The following ARB2A variants were observed in gnomAD, a reference collection of about 807,000 sequenced individuals.
The protein encoded by ARB2A is cotranscriptional regulator ARB2A.
chr5:93,904,372 T>C, the ARB2A span, among the ~76,000 whole-genome samples: 1 of 151,850 alleles, frequency 6.6e-6, no homozygotes, highest in African/African-American at 2.4e-5. Context: ...AAGTTATATC[T>C]TTCTCATGTG....
chr5:93,692,491 G>C, the ARB2A span, among the ~76,000 whole-genome samples: 1 of 152,134 alleles, frequency 6.6e-6, no homozygotes, highest in East Asian at 1.9e-4. Context: ...GCAAAAAGAA[G>C]AGCTAACTAT....
At chr5:93,866,966 T>C in the ARB2A span, among the ~76,000 whole-genome samples, 1 of 152,056 alleles carries the variant, frequency 6.6e-6, no homozygotes, top group Non-Finnish European at 1.5e-5. Context: ...CCTGAATGAA[T>C]TGTACATACC....
the ARB2A span, among the ~76,000 whole-genome samples, chr5:93,962,485 G>A: frequency 2.8e-4 from 43 of 152,068 alleles, no homozygotes; most frequent in African/African-American, 1.0e-3. Flanking sequence ...TTAAAAAATG[G>A]TTCTTTTTCC....
the ARB2A span, among the ~76,000 whole-genome samples, chr5:93,721,438 G>T: frequency 6.6e-6 from 1 of 152,176 alleles, no homozygotes; most frequent in Non-Finnish European, 1.5e-5. Context: ...TGTAGCATTA[G>T]TCTGCTCTTT....
At chr5:93,914,745 T>G in the ARB2A span, among the ~76,000 whole-genome samples, 1 of 151,890 alleles carries the variant, frequency 6.6e-6, no homozygotes, top group East Asian at 1.9e-4. Context: ...AAAAACTCAT[T>G]GATACAGCAG....
the ARB2A span, among the ~76,000 whole-genome samples, chr5:93,840,230 C>A: frequency 2.0e-4 from 31 of 152,252 alleles, no homozygotes; most frequent in Non-Finnish European, 2.8e-4. Context: ...CAAAGAATTT[C>A]TTTATTTCTG....
the ARB2A span, among the ~76,000 whole-genome samples, chr5:93,848,471 C>T: frequency 2.0e-5 from 3 of 151,650 alleles, no homozygotes; most frequent in African/African-American, 4.8e-5. Flanking sequence ...TACTACCTTG[C>T]TTTCCTTTTT....
chr5:93,721,471 T>C, the ARB2A span, among the ~76,000 whole-genome samples: 4 of 152,320 alleles, frequency 2.6e-5, no homozygotes, highest in Non-Finnish European at 4.4e-5. Flanking sequence ...TTTTAAATTA[T>C]TGATGCACTA....
At chr5:93,691,239 G>A in the ARB2A span, among the ~76,000 whole-genome samples, 1 of 151,960 alleles carries the variant, frequency 6.6e-6, no homozygotes, top group Admixed American at 6.6e-5. Flanking sequence ...TGAGCTATAG[G>A]AGCATGTTCT....
the ARB2A span, among the ~76,000 whole-genome samples, chr5:93,920,547 A>C: frequency 1.3e-5 from 2 of 152,300 alleles, no homozygotes; most frequent in Non-Finnish European, 2.9e-5. Context: ...CAAAAAAATT[A>C]AGAAGTTAGG....
chr5:93,915,696 G>T, the ARB2A span, among the ~76,000 whole-genome samples: 1 of 151,940 alleles, frequency 6.6e-6, no homozygotes, highest in African/African-American at 2.4e-5. Context: ...CTTGAAGAAT[G>T]AGCTATCTTT....
chr5:94,083,813 C>A, the ARB2A span, among the ~76,000 whole-genome samples: 1 of 148,002 alleles, frequency 6.8e-6, no homozygotes, highest in African/African-American at 2.5e-5. Flanking sequence ...AATCAAAAAA[C>A]AAGGTCCTCT....
chr5:93,634,590 G>A, the ARB2A span, among the ~76,000 whole-genome samples: 1 of 152,092 alleles, frequency 6.6e-6, no homozygotes, highest in East Asian at 1.9e-4. Context: ...TAGCTAAAAT[G>A]TTGTGCTTAT....
the ARB2A span, among the ~76,000 whole-genome samples, chr5:93,841,195 A>G: frequency 6.6e-6 from 1 of 152,326 alleles, no homozygotes; most frequent in African/African-American, 2.4e-5. Context: ...TAAAACAGTC[A>G]ACTCTCCTTA....
the ARB2A span, among the ~76,000 whole-genome samples, chr5:93,703,409 T>C: frequency 1.3e-5 from 2 of 152,192 alleles, no homozygotes; most frequent in Admixed American, 6.6e-5. Context: ...AGGTAAGCTG[T>C]TGGGAGCAAA....
At chr5:93,739,002 A>T in the ARB2A span, 1 of 152,228 alleles carries the variant, frequency 6.6e-6, no homozygotes, top group African/African-American at 2.4e-5. Context: ...TGAAGAAAAG[A>T]TTAAATAAAA....
chr5:94,052,529 A>C, the ARB2A span, among the ~76,000 whole-genome samples: 3 of 152,178 alleles, frequency 2.0e-5, no homozygotes, highest in South Asian at 6.2e-4. Context: ...ACTCAGATGC[A>C]CCTACCCTGT....
chr5:93,625,594 T>C, the ARB2A span, among the ~76,000 whole-genome samples: 5 of 152,166 alleles, frequency 3.3e-5, no homozygotes, highest in Non-Finnish European at 5.9e-5. Flanking sequence ...CCTTGACTTA[T>C]CACTTGTTTT....
chr5:93,843,922 G>A, the ARB2A span, among the ~76,000 whole-genome samples: 1 of 151,940 alleles, frequency 6.6e-6, no homozygotes, highest in Non-Finnish European at 1.5e-5. Flanking sequence ...GACATTTGCT[G>A]ATAGATTAAA....
Sources: gnomAD v4.1 joint callset for allele counts (sites outside exome capture counted in the v4.1 genomes callset) on GRCh38, gnomAD v4.1.1 for gene constraint, MANE v1.5 for transcripts, NCBI Gene and HGNC (gene_info 2026-07-23, HGNC 2026-07-21) for gene names.